Variants in SOX6 observed in about 807,000 individuals in gnomAD.
SOX6 encodes transcription factor SOX-6.
In SOX6, 11 loss-of-function variants were observed where a neutral mutation model predicts 97.8. That is an observed-to-expected ratio of 0.11 (90% confidence interval 0.07 to 0.19). SOX6 has a LOEUF of 0.19. Ranked by LOEUF, SOX6 falls within the 10% of genes least tolerant of loss-of-function variation. SOX6 has a pLI of 1.00. For missense variants in SOX6, 810 were observed against 1,039.5 expected, an observed-to-expected ratio of 0.78 and a Z score of 3.04; for synonymous variants, 360 against 371.4, an observed-to-expected ratio of 0.97 and a Z score of 0.35.
chr11:16,202,761 A>G, intron 4 of SOX6, among the ~76,000 whole-genome samples: 1 of 152,138 alleles, frequency 6.6e-6, no homozygotes, highest in East Asian at 1.9e-4. Flanking sequence ...AAAAGAAGGA[A>G]TTGGAAGGCT....
At chr11:16,445,445 A>T (rs1859592770) in intron 1 of SOX6, among the ~76,000 whole-genome samples, 1 of 152,182 alleles carries the variant, frequency 6.6e-6, no homozygotes. Flanking sequence ...GGTTGCAGCC[A>T]TGTATCTGTG....
At chr11:16,633,044 C>G (rs1177905613) in intron 3 of SOX6, among the ~76,000 whole-genome samples, 1 of 152,072 alleles carries the variant, frequency 6.6e-6, no homozygotes, top group Non-Finnish European at 1.5e-5. Flanking sequence ...GAGAGGGCCT[C>G]CCTGTACCAG....
At chr11:16,207,198 A>G (rs1445021886) in intron 4 of SOX6, among the ~76,000 whole-genome samples, 1 of 152,200 alleles carries the variant, frequency 6.6e-6, no homozygotes, top group African/African-American at 2.4e-5. Context: ...TACTATTTTA[A>G]AAGTGAGAAA....
chr11:16,568,348 A>G (rs1847900111), intron 4 of SOX6, among the ~76,000 whole-genome samples: 1 of 152,232 alleles, frequency 6.6e-6, no homozygotes, highest in African/African-American at 2.4e-5. Context: ...CAGACACAAA[A>G]GGTTATATAT....
chr11:16,624,184 T>TTTTATTTTTTTA (rs1554979377), intron 3 of SOX6, among the ~76,000 whole-genome samples: 31 of 147,330 alleles, frequency 2.1e-4, no homozygotes, highest in Non-Finnish European at 2.8e-4. Context: ...TATTTTTTTA[T>TTTTATTTTTTTA]TTTATTTATT....
intron 1 of SOX6, among the ~76,000 whole-genome samples, chr11:16,453,023 G>A (rs953574863): frequency 1.4e-4 from 21 of 152,180 alleles, no homozygotes; most frequent in African/African-American, 3.9e-4. Flanking sequence ...TTATTCTTAC[G>A]TGTGTCACTG....
chr11:16,554,395 C>T (rs1289582173), intron 4 of SOX6, among the ~76,000 whole-genome samples: 2 of 152,076 alleles, frequency 1.3e-5, no homozygotes, highest in Non-Finnish European at 2.9e-5. Context: ...TTTCTTTCTT[C>T]TCTCCCATCC....
intron 4 of SOX6, among the ~76,000 whole-genome samples, chr11:16,194,474 C>G (rs1851718349): frequency 6.6e-6 from 1 of 152,148 alleles, no homozygotes; most frequent in African/African-American, 2.4e-5. Flanking sequence ...ACTTAGGGAC[C>G]ACTTCACAGG....
intron 1 of SOX6, among the ~76,000 whole-genome samples, chr11:16,454,767 A>G (rs1859783975): frequency 6.6e-6 from 1 of 152,268 alleles, no homozygotes; most frequent in South Asian, 2.1e-4. Flanking sequence ...CTATTCCATT[A>G]TAGCACAATG....
intron 4 of SOX6, among the ~76,000 whole-genome samples, chr11:16,217,097 T>C (rs1287006608): frequency 6.6e-6 from 1 of 152,236 alleles, no homozygotes; most frequent in Non-Finnish European, 1.5e-5. Flanking sequence ...CACAGCATGG[T>C]CGTGCCCATT....
chr11:16,714,325 C>A (rs1848202155), intron 3 of SOX6, among the ~76,000 whole-genome samples: 1 of 151,570 alleles, frequency 6.6e-6, no homozygotes, highest in African/African-American at 2.4e-5. Flanking sequence ...TTTCAAAGTT[C>A]TTTTCATACA....
chr11:16,628,632 A>G (rs906879492), intron 3 of SOX6, among the ~76,000 whole-genome samples: 20 of 152,072 alleles, frequency 1.3e-4, no homozygotes, highest in Middle Eastern at 6.8e-3. Context: ...AAAAAAAAAA[A>G]AAAGAAAGAA....
chr11:16,339,684 T>C (rs769346423), intron 2 of SOX6, among the ~76,000 whole-genome samples: 2 of 152,086 alleles, frequency 1.3e-5, no homozygotes, highest in African/African-American at 2.4e-5. Context: ...GCATGCATCA[T>C]GTCTGCTTTG....
At chr11:16,052,668 T>G (rs554944685) in intron 10 of SOX6, among the ~76,000 whole-genome samples, 136 of 152,286 alleles carry the variant, frequency 8.9e-4, no homozygotes, top group Non-Finnish European at 1.4e-3. Context: ...CATTGTAAAT[T>G]TTACCTTCTG....
rs1408890528 is a variant in SOX6 at position 16,525,690 on chromosome 11, C to A, written n.610-49302G>T. Among the ~76,000 whole-genome samples the A allele has an allele frequency of 5.1e-3, 776 of 151,870 alleles. 7 individuals carry two copies. Among genetic ancestry groups the A allele is most frequent in the African/African-American group, 0.018 (737 of 41,408 alleles). ...CACAAGAAACTACCATCAGAGTGAA[C>A]AGGCAACCTACAAAATGGGAGAAAA... On this transcript the variant is annotated intron_variant and non_coding_transcript_variant, in intron 4 of 5. Transcript: ENST00000524520.
At chr11:16,516,843 T>G (rs145151738) in intron 4 of SOX6, among the ~76,000 whole-genome samples, 2 of 151,200 alleles carry the variant, frequency 1.3e-5, no homozygotes, top group African/African-American at 4.9e-5. Context: ...ACAGCATCAT[T>G]CTGATACCAA....
chr11:16,286,768 A>G (rs1014980236), intron 3 of SOX6, among the ~76,000 whole-genome samples: 4 of 152,138 alleles, frequency 2.6e-5, no homozygotes, highest in East Asian at 3.8e-4. Context: ...TAAACTATTA[A>G]TATCTGTTAA....
intron 4 of SOX6, among the ~76,000 whole-genome samples, chr11:16,592,010 G>C (rs1848160031): frequency 6.6e-6 from 1 of 152,034 alleles, no homozygotes; most frequent in Non-Finnish European, 1.5e-5. Context: ...GGATTTGGGA[G>C]ACCACAATTC....
chr11:16,730,016 G>C (rs749886266), intron 2 of SOX6, among the ~76,000 whole-genome samples: 1 of 125,200 alleles, frequency 8.0e-6, no homozygotes, highest in Non-Finnish European at 1.7e-5. Flanking sequence ...AACAAGAAGA[G>C]CTAACTATCC....
Sources: gnomAD v4.1 joint callset for allele counts (sites outside exome capture counted in the v4.1 genomes callset) on GRCh38, gnomAD v4.1.1 for gene constraint, MANE v1.5 for transcripts, NCBI Gene and HGNC (gene_info 2026-07-23, HGNC 2026-07-21) for gene names.